Variants in SRRM3 observed in about 807,000 individuals in gnomAD.
The protein encoded by SRRM3 is serine/arginine repetitive matrix 3.
SRRM3 carries 27 observed loss-of-function variants against 66.2 expected under a neutral mutation model. The ratio of observed to expected loss-of-function variants is 0.41; its 90% confidence interval spans 0.30 to 0.56. The LOEUF (loss-of-function observed/expected upper bound fraction) is 0.56. SRRM3 is among the 20% of genes least tolerant of loss of function. SRRM3 has a pLI of 0.32. For synonymous variants in SRRM3, 391 were observed against 414.9 expected, an observed-to-expected ratio of 0.94 and a Z score of 0.70; for missense variants, 918 against 991.9, an observed-to-expected ratio of 0.93 and a Z score of 1.00.
intron 3 of SRRM3, among the ~76,000 whole-genome samples, chr7:76,259,190 T>C (rs1208091713): frequency 1.2e-5 from 1 of 85,170 alleles, no homozygotes. Context: ...AGGGATCAAA[T>C]GGGGGGTTCA....
intron 14 of SRRM3, chr7:76,283,901 G>A (rs1269905201): frequency 2.1e-6 from 2 of 938,448 alleles, no homozygotes; most frequent in African/African-American, 3.6e-5. Context: ...GGGGGTTGGG[G>A]GGAACACAGG....
intron 3 of SRRM3, 122 bp from the exon 4 acceptor site, chr7:76,259,784 C>A: frequency 1.3e-6 from 2 of 1,485,004 alleles, no homozygotes; most frequent in Middle Eastern, 2.4e-4. Context: ...TTACCCCTCG[C>A]CCCTCCCCCA....
intron 1 of SRRM3, among the ~76,000 whole-genome samples, chr7:76,213,675 G>A (rs955363373): frequency 6.6e-6 from 1 of 152,158 alleles, no homozygotes; most frequent in Non-Finnish European, 1.5e-5. Flanking sequence ...GGGTTTCTCT[G>A]TAGCTTGGGG....
At chr7:76,265,504 G>A (rs1554609413) in intron 10 of SRRM3, 36 bp downstream of exon 10, 1 of 1,548,036 alleles carries the variant, frequency 6.5e-7, no homozygotes, top group Admixed American at 1.8e-5. Context: ...TCTCCTGGTG[G>A]GGGATGAGGG....
intron 3 of SRRM3, among the ~76,000 whole-genome samples, chr7:76,256,533 T>C (rs1403593544): frequency 6.6e-6 from 1 of 151,760 alleles, no homozygotes; most frequent in Non-Finnish European, 1.5e-5. Context: ...GGCTACTTCA[T>C]AGACAGAGCA....
chr7:76,215,165 A>G (rs1800528025), intron 1 of SRRM3, among the ~76,000 whole-genome samples: 1 of 152,092 alleles, frequency 6.6e-6, no homozygotes, highest in South Asian at 2.1e-4. Flanking sequence ...CAAAACCCAC[A>G]GTACATTTTT....
intron 11 of SRRM3, among the ~76,000 whole-genome samples, chr7:76,272,031 T>G (rs782332573): frequency 6.6e-6 from 1 of 152,058 alleles, no homozygotes; most frequent in Admixed American, 6.6e-5. Context: ...GGTCACACAA[T>G]GTAGGATGAA....
chr7:76,235,062 C>G lies in SRRM3; in HGVS notation c.-5C>G, dbSNP rs1801106754. On this transcript the variant is annotated 5_prime_UTR_variant, in exon 2 of 15. Transcript: ENST00000611745. ...CCCAGGCCAGCGGCTCCAGGGCCAGCCACGATGTCCTCCACCGTGAACAAC... is the reference window on the plus strand; with the variant it reads ...CCCAGGCCAGCGGCTCCAGGGCCAGGCACGATGTCCTCCACCGTGAACAAC... 1 of 1,565,450 alleles carries G rather than the reference C, an allele frequency of 6.4e-7. No individual in the cohort carries two copies.
At chr7:76,207,325 A>C (rs1366656813) in intron 1 of SRRM3, among the ~76,000 whole-genome samples, 1 of 150,674 alleles carries the variant, frequency 6.6e-6, no homozygotes, top group Non-Finnish European at 1.5e-5. Flanking sequence ...ACAGAGAAAG[A>C]GAGAGAGAGA....
rs868956755 is a variant in SRRM3 at position 76,265,830 on chromosome 7, A to T, written c.830+362A>T. Among the ~76,000 whole-genome samples the T allele has an allele frequency of 1.5e-3, 19 of 12,738 alleles. 1 individual carries two copies. The highest frequency in any genetic ancestry group is 9.3e-3 in the East Asian group (1 of 108). 8.4% of individuals were successfully genotyped at this position (12,738 alleles called of 152,430 possible). ...TATTTTATATATTTAATAAATATTTATATATATATATATATATATATATAT... is the reference window on the plus strand; with the variant it reads ...TATTTTATATATTTAATAAATATTTTTATATATATATATATATATATATAT... On this transcript the variant is annotated intron_variant, in intron 10 of 14. Transcript: ENST00000611745.
intron 3 of SRRM3, among the ~76,000 whole-genome samples, chr7:76,259,022 G>T (rs1554608162): frequency 6.6e-6 from 1 of 151,898 alleles, no homozygotes; most frequent in Admixed American, 6.6e-5. Flanking sequence ...GCAGGCAGAG[G>T]TTGCAGTGAG....
At chr7:76,250,314 C>G (rs1801544759) in intron 3 of SRRM3, among the ~76,000 whole-genome samples, 2 of 152,122 alleles carry the variant, frequency 1.3e-5, no homozygotes, top group African/African-American at 4.8e-5. Context: ...TCACTGCAAC[C>G]TCTGCCCCCC....
chr7:76,229,585 T>C (rs1800961633), intron 1 of SRRM3, among the ~76,000 whole-genome samples: 1 of 152,170 alleles, frequency 6.6e-6, no homozygotes, highest in Admixed American at 6.6e-5. Context: ...CATTGTGATA[T>C]TGACTCAAAT....
chr7:76,259,298 A>G (rs1554608194), intron 3 of SRRM3, among the ~76,000 whole-genome samples: 1 of 151,980 alleles, frequency 6.6e-6, no homozygotes, highest in Non-Finnish European at 1.5e-5. Flanking sequence ...CACCCCACCC[A>G]CGACTGCAGG....
rs117074815 is a variant in SRRM3, at chr7:76,278,028, T to A, written c.1009-3413T>A. Among the ~76,000 whole-genome samples, 397 of 152,248 alleles carry A rather than the reference T, an allele frequency of 2.6e-3. 2 individuals carry two copies. The highest frequency in any genetic ancestry group is 6.7e-3 in the Admixed American group (103 of 15,280). ...AGGACAGAAACTGCAAATATAAAAA[T>A]CCCAGAGAAGTTCTCATTTGCCTCC... On this transcript the variant is annotated intron_variant, in intron 11 of 14. Transcript: ENST00000611745.
chr7:76,252,099 A>C (rs1801594703), intron 3 of SRRM3, among the ~76,000 whole-genome samples: 2 of 152,178 alleles, frequency 1.3e-5, no homozygotes, highest in African/African-American at 4.8e-5. Context: ...AAAATAATTG[A>C]AAAAGAAAAC....
intron 1 of SRRM3, among the ~76,000 whole-genome samples, chr7:76,205,098 A>G (rs1800261871): frequency 6.6e-6 from 1 of 152,062 alleles, no homozygotes; most frequent in Admixed American, 6.6e-5. Context: ...GGAACTGAGA[A>G]GGAAATTCAC....
chr7:76,261,864 G>A (rs548017474), intron 8 of SRRM3, among the ~76,000 whole-genome samples: 6 of 152,010 alleles, frequency 3.9e-5, no homozygotes, highest in Non-Finnish European at 7.4e-5. Flanking sequence ...TCTGTCTGTG[G>A]AGGTGCCAGT....
Position 76,252,689 on chromosome 7 carries a change from A to G in SRRM3, c.335+4400A>G, listed in dbSNP as rs374505669. On this transcript the variant is annotated intron_variant, in intron 3 of 14. Transcript: ENST00000611745. ...GGCTGCTCTCAAACTCCCAGTCTCA[A>G]GTGATCCTCTCACCTTAGACTCAAC... Among the ~76,000 whole-genome samples the G allele has an allele frequency of 2.3e-4, 35 of 152,300 alleles. 2 individuals are homozygous for G. The East Asian group carries it at 4.6e-3, about 20-fold the overall frequency.
Sources: allele counts gnomAD v4.1 joint callset (sites outside exome capture counted in the v4.1 genomes callset), GRCh38; gene constraint gnomAD v4.1.1; transcripts MANE v1.5; gene names NCBI Gene and HGNC (gene_info 2026-07-23, HGNC 2026-07-21).